Variants in LIN7A observed in about 807,000 individuals in gnomAD.
LIN7A encodes the protein protein lin-7 homolog A.
A neutral mutation model predicts 29.8 loss-of-function variants in LIN7A; 25 were observed. The observed-to-expected ratio is 0.84, with a 90% CI of 0.61 to 1.17. The LOEUF (loss-of-function observed/expected upper bound fraction) is 1.17. LIN7A is among the 50% of genes most tolerant of loss of function. LIN7A has a pLI of 0.00. For synonymous variants in LIN7A, 118 were observed against 107.5 expected (o/e 1.10, Z -0.60); for missense variants, 239 against 287.0 (o/e 0.83, Z 1.21).
chr12:80,878,446 T>A (rs1051702154), intron 2 of LIN7A, among the ~76,000 whole-genome samples: 1 of 152,218 alleles, frequency 6.6e-6, no homozygotes, highest in African/African-American at 2.4e-5. Flanking sequence ...CTGGAGTTTG[T>A]TCCTGCTGGT....
At chr12:80,874,519 T>A (rs2120523274) in intron 2 of LIN7A, among the ~76,000 whole-genome samples, 1 of 152,270 alleles carries the variant, frequency 6.6e-6, no homozygotes, top group South Asian at 2.1e-4. Context: ...GAAAATAGAA[T>A]ACCATAAGAC....
chr12:80,937,575 T>G, intron 1 of LIN7A, 66 bp downstream of exon 1: 4 of 1,204,474 alleles, frequency 3.3e-6, no homozygotes, highest in Non-Finnish European at 1.1e-6. Context: ...CGTTGGGAAT[T>G]GGCAGGCGGG....
At chr12:80,867,517 TAGC>T (rs2120464303) in intron 2 of LIN7A, among the ~76,000 whole-genome samples, 1 of 152,322 alleles carries the variant, frequency 6.6e-6, no homozygotes, top group East Asian at 1.9e-4. Flanking sequence ...AGACTGTTGA[TAGC>T]AGCTCTGGAG....
chr12:80,811,425 A>C (rs1565885905), intron 5 of LIN7A, 40 bp downstream of exon 5: 1 of 740,724 alleles, frequency 1.4e-6, no homozygotes, highest in Non-Finnish European at 2.4e-6. Flanking sequence ...GTGTGTATAT[A>C]TATATATATA....
chr12:80,898,897 G>T (rs931387285), intron 1 of LIN7A, among the ~76,000 whole-genome samples: 1 of 152,124 alleles, frequency 6.6e-6, no homozygotes, highest in Admixed American at 6.6e-5. Context: ...CAGTCTATGG[G>T]GTTTTCTAGG....
At chr12:80,822,357 C>G (rs574601875) in intron 4 of LIN7A, among the ~76,000 whole-genome samples, 1 of 151,966 alleles carries the variant, frequency 6.6e-6, no homozygotes, top group African/African-American at 2.4e-5. Flanking sequence ...CAGGAGTTTG[C>G]GACCAGACTG....
In LIN7A at chr12:80,795,143, G is replaced by T. The variant is rs997660968; in HGVS notation, c.*2584C>A. ...TGGGACATGTCAGTGGCTCTAATAT[G>T]ATCGTTAATAATGAAGATAATTAGT... On this transcript the variant is annotated 3_prime_UTR_variant, in exon 6 of 6. Coordinates refer to ENST00000552864, the MANE Select transcript of LIN7A (RefSeq NM_004664.4). 6.6e-6 allele frequency: 1 copy of T among 152,070 alleles called. No homozygotes were observed. 9.4% of individuals were successfully genotyped at this position (152,070 alleles called of 1,614,324 possible).
intron 2 of LIN7A, among the ~76,000 whole-genome samples, chr12:80,884,923 C>T (rs759746413): frequency 1.7e-4 from 26 of 152,078 alleles, no homozygotes; most frequent in Admixed American, 3.9e-4. Flanking sequence ...TCCTCCAGGT[C>T]AATGAGCACA....
intron 2 of LIN7A, among the ~76,000 whole-genome samples, chr12:80,886,275 A>G (rs773663573): frequency 6.6e-6 from 1 of 151,980 alleles, no homozygotes; most frequent in African/African-American, 2.4e-5. Context: ...GGCTCACTAT[A>G]ATGCAACTTC....
chr12:80,816,306 G>C (rs1353157814), intron 4 of LIN7A, among the ~76,000 whole-genome samples: 1 of 151,860 alleles, frequency 6.6e-6, no homozygotes, highest in Non-Finnish European at 1.5e-5. Context: ...AACTACTTGG[G>C]ATGCTGAACC....
chr12:80,827,985 A>C (rs10506836), intron 4 of LIN7A, among the ~76,000 whole-genome samples: 1 of 152,064 alleles, frequency 6.6e-6, no homozygotes, highest in Non-Finnish European at 1.5e-5. Flanking sequence ...GCTTCTTCAC[A>C]TAAAGTTCTC....
At chr12:80,866,883 G>A (rs1253860899) in intron 2 of LIN7A, among the ~76,000 whole-genome samples, 3 of 152,114 alleles carry the variant, frequency 2.0e-5, no homozygotes, top group South Asian at 4.1e-4. Flanking sequence ...TCCAAAGGCT[G>A]CCGTAGTTCC....
chr12:80,832,396 C>T, intron 4 of LIN7A: 2 of 399,080 alleles, frequency 5.0e-6, no homozygotes, highest in Non-Finnish European at 1.0e-5. Context: ...GAGACAGATT[C>T]AATACCAAAT....
chr12:80,872,716 T>C (rs1683250023), intron 2 of LIN7A, among the ~76,000 whole-genome samples: 1 of 152,350 alleles, frequency 6.6e-6, no homozygotes, highest in Non-Finnish European at 1.5e-5. Context: ...ATTTACTCAG[T>C]TAATGTCTAG....
At chr12:80,928,194 A>G (rs1451285275) in intron 1 of LIN7A, among the ~76,000 whole-genome samples, 2 of 152,188 alleles carry the variant, frequency 1.3e-5, no homozygotes, top group African/African-American at 4.8e-5. Flanking sequence ...TTATAGTAGC[A>G]TGATTTATAA....
At chr12:80,832,360 T>C (rs920703636) in intron 4 of LIN7A, among the ~76,000 whole-genome samples, 1 of 152,174 alleles carries the variant, frequency 6.6e-6, no homozygotes, top group South Asian at 2.1e-4. Context: ...TTTAAAGTGA[T>C]ATTCTTACAA....
rs191919516 is a variant in LIN7A at position 80,895,330 on chromosome 12, G to A, written c.83-5961C>T. Among the ~76,000 whole-genome samples, 729 of 152,278 alleles carry A rather than the reference G, an allele frequency of 4.8e-3. 2 individuals are homozygous for A. The highest frequency in any genetic ancestry group is 0.023 in the South Asian group (109 of 4,826). On this transcript the variant is annotated intron_variant, in intron 1 of 5. Coordinates refer to ENST00000552864, the MANE Select transcript of LIN7A (RefSeq NM_004664.4). ...AAAAATATTAGAATTTAAAAGGGAT[G>A]AGCTTACAGTGATCTAAAGGAGTTC...
intron 5 of LIN7A, among the ~76,000 whole-genome samples, chr12:80,809,095 C>T (rs541114515): frequency 2.6e-5 from 4 of 151,804 alleles, no homozygotes; most frequent in Non-Finnish European, 5.9e-5. Flanking sequence ...AAGCAATTCT[C>T]CTGCCTCAGC....
rs1294779430 is a variant in LIN7A at position 80,909,235 on chromosome 12, G to A, written c.83-19866C>T. On this transcript the variant is annotated intron_variant, in intron 1 of 5. Transcript: ENST00000552864. ...TGAAGAAAGCTAGCTTTTCCCCAGT[G>A]AGTTCCCCTGGTATAGTTGTTCAGT... is the stretch of plus-strand genomic sequence containing the variant. 8.5e-5 allele frequency among the ~76,000 whole-genome samples: 13 copies of A among 152,202 alleles called. No homozygotes were observed. In the East Asian group the frequency reaches 2.3e-3, roughly 27 times the overall value.
Sources: gnomAD v4.1 joint callset for allele counts (sites outside exome capture counted in the v4.1 genomes callset) on GRCh38, gnomAD v4.1.1 for gene constraint, MANE v1.5 for transcripts, NCBI Gene and HGNC (gene_info 2026-07-23, HGNC 2026-07-21) for gene names.